RREB1: variants seen among roughly 807,000 people sequenced by gnomAD.
RREB1 encodes ras responsive element binding protein 1, also known as ras-responsive element-binding protein 1.
Under a neutral mutation model 117.8 loss-of-function variants are expected in RREB1, and 27 were observed. The ratio of observed to expected loss-of-function variants is 0.23; its 90% CI spans 0.17 to 0.32. The LOEUF is 0.32. RREB1 is among the 10% of genes least tolerant of loss of function. The pLI, the probability that RREB1 is intolerant of heterozygous loss-of-function variation, is 1.00. For synonymous variants in RREB1, 1,298 were observed against 1,026.7 expected (o/e 1.26, Z -5.05); for missense variants, 2,577 against 2,378.2 (o/e 1.08, Z -1.74).
intron 9 of RREB1, among the ~76,000 whole-genome samples, chr6:7,228,302 TCA>T (rs1767704360): frequency 6.6e-6 from 1 of 151,958 alleles, no homozygotes; most frequent in Admixed American, 6.6e-5. Context: ...TCTCTGGACC[TCA>T]GTTTTGCAAG....
intron 8 of RREB1, 112 bp downstream of exon 8, chr6:7,211,821 A>G: frequency 8.8e-7 from 1 of 1,137,784 alleles, no homozygotes; most frequent in South Asian, 1.5e-5. Context: ...CTTGGGCACA[A>G]CAACATTAGG....
In RREB1 at chr6:7,249,082, AGAGAG is replaced by A. The variant is rs1581604221; in HGVS notation, c.*115_*119del. Reference sequence around the variant, plus strand: ...AGGAGTGAGAGAGAGAGAGAGAGAGAGAGAGAGAGAGAGAGAGAGAGACAAGCAGG... The same window carrying A: ...AGGAGTGAGAGAGAGAGAGAGAGAGAAGAGAGAGAGAGAGAGACAAGCAGG... On this transcript the variant is annotated 3_prime_UTR_variant, in exon 13 of 13. Coordinates refer to ENST00000379938, the MANE Select transcript of RREB1 (RefSeq NM_001003699.4). 10 of 766,774 alleles carry A rather than the reference AGAGAG, an allele frequency of 1.3e-5. No individual in the cohort carries two copies. In the East Asian group the frequency reaches 2.7e-4, roughly 21 times the overall value. The allele number at this position is 766,774 out of a possible 1,614,324, so 47.5% of individuals were successfully genotyped here. A position where few individuals can be genotyped will look rare whatever the true frequency, so the allele number is the denominator to read the frequency against.
intron 1 of RREB1, among the ~76,000 whole-genome samples, chr6:7,156,790 C>T (rs182167881): frequency 8.8e-4 from 134 of 152,326 alleles, no homozygotes; most frequent in African/African-American, 3.1e-3. Flanking sequence ...TTCCTTCCTT[C>T]TCCTTAGCCA....
intron 1 of RREB1, among the ~76,000 whole-genome samples, chr6:7,109,449 C>T (rs1761027421): frequency 1.3e-5 from 2 of 151,860 alleles, no homozygotes; most frequent in Non-Finnish European, 2.9e-5. Context: ...GTGACCTGCT[C>T]CGCGGCCGCG....
Position 7,247,154 on chromosome 6 carries a change from C to T in RREB1, c.4704C>T (p.Val1568=), listed in dbSNP as rs1234592203. The T allele has an allele frequency of 6.2e-7, 1 of 1,613,828 alleles. No homozygotes were observed. Among genetic ancestry groups the T allele is most frequent in the African/African-American group, 1.3e-5 (1 of 74,924 alleles). ...VASKADKRKK[V]CSVCNKRFWS... is the part of the protein sequence containing the mutation. ...GCAAGGCAGACAAGAGGAAGAAGGT[C>T]TGCAGCGTGTGCAACAAGCGGTTCT... The change falls in exon 12 of 13, where the codon GTC becomes GTT. Residue 1568 remains valine (V), a synonymous_variant. Transcript: ENST00000379938.
intron 1 of RREB1, among the ~76,000 whole-genome samples, chr6:7,164,956 A>G (rs537898822): frequency 3.3e-5 from 5 of 152,368 alleles, no homozygotes; most frequent in South Asian, 2.1e-4. Context: ...AACTTGAGCT[A>G]CTGTAACTAA....
intron 1 of RREB1, among the ~76,000 whole-genome samples, chr6:7,176,205 C>T (rs1764492342): frequency 6.6e-6 from 1 of 152,248 alleles, no homozygotes; most frequent in African/African-American, 2.4e-5. Flanking sequence ...GCATGAGCCA[C>T]TGCTAGTTGT....
At chr6:7,173,222 A>G (rs1233297536) in intron 1 of RREB1, among the ~76,000 whole-genome samples, 2 of 152,020 alleles carry the variant, frequency 1.3e-5, no homozygotes, top group East Asian at 1.9e-4. Flanking sequence ...AACTTATTCC[A>G]CATTTCCTGG....
At chr6:7,191,201 CAT>C (rs1320927281) in intron 6 of RREB1, among the ~76,000 whole-genome samples, 8 of 152,050 alleles carry the variant, frequency 5.3e-5, no homozygotes, top group Admixed American at 4.6e-4. Context: ...TACGTGAACA[CAT>C]GTCTGTATTC....
At chr6:7,197,721 C>T (rs555850544) in intron 6 of RREB1, among the ~76,000 whole-genome samples, 2 of 152,282 alleles carry the variant, frequency 1.3e-5, no homozygotes, top group South Asian at 2.1e-4. Flanking sequence ...CTAGTTGTTT[C>T]GTTGCAGGCT....
intron 10 of RREB1, among the ~76,000 whole-genome samples, chr6:7,232,782 A>G (rs1462809712): frequency 1.0e-5 from 1 of 100,326 alleles, no homozygotes; most frequent in African/African-American, 4.6e-5. Context: ...TTTTTTTTTT[A>G]AATAAAAGAG....
intron 1 of RREB1, among the ~76,000 whole-genome samples, chr6:7,169,837 C>G (rs2113491804): frequency 6.6e-6 from 1 of 152,238 alleles, no homozygotes; most frequent in Non-Finnish European, 1.5e-5. Context: ...CTGGCATTGT[C>G]CAGAAAATCT....
At chr6:7,241,000 G>A (rs1011851471) in intron 11 of RREB1, among the ~76,000 whole-genome samples, 2 of 152,142 alleles carry the variant, frequency 1.3e-5, no homozygotes, top group Non-Finnish European at 2.9e-5. Flanking sequence ...AGCCTTAGCC[G>A]CTGCAGCCTC....
At position 7,229,646 on chromosome 6, in the gene RREB1, G is replaced by A. The variant is rs751013989; in HGVS notation, c.1547G>A (p.Arg516Gln). The A allele has an allele frequency of 7.4e-6, 12 of 1,612,472 alleles. No individual in the cohort carries two copies. The highest frequency in any genetic ancestry group is 1.0e-5 in the Non-Finnish European group (12 of 1,179,604). ...AAGCCAAAGCCCCTGGTCACACCACGGACGGTGGTGGCCACCTCCACGCCC... is the reference window on the plus strand; with the variant it reads ...AAGCCAAAGCCCCTGGTCACACCACAGACGGTGGTGGCCACCTCCACGCCC... ...PLKPKPLVTPRTVVATSTPPP... is the reference protein window; with the variant it reads ...PLKPKPLVTPQTVVATSTPPP... Residue 516 changes from arginine to glutamine, a missense_variant, in exon 10 of 13, where the codon CGG becomes CAG. Coordinates refer to ENST00000379938, the MANE Select transcript of RREB1 (RefSeq NM_001003699.4). This position sits in a 1 kb window ranked among gnomAD's most constrained non-coding sequence, Gnocchi z 4.5.
rs1769388198 is a variant in RREB1 at position 7,251,092 on chromosome 6, G to T, written c.*2124G>T. The T allele has an allele frequency of 6.6e-6, 1 of 152,138 alleles. No homozygotes were observed. Among genetic ancestry groups the T allele is most frequent in the Admixed American group, 6.5e-5 (1 of 15,268 alleles). The allele number at this position is 152,138 out of a possible 1,614,324, so 9.4% of individuals were successfully genotyped here. The stretch of plus-strand genomic sequence containing the variant: ...ACTTGCAATATTGTGGGGAGAAGCT[G>T]TGACTAAACTCTACGCTGCGGTGAG... On this transcript the variant is annotated 3_prime_UTR_variant, in exon 13 of 13. Coordinates refer to ENST00000379938, the MANE Select transcript of RREB1 (RefSeq NM_001003699.4).
intron 5 of RREB1, among the ~76,000 whole-genome samples, chr6:7,188,220 C>T (rs1765189899): frequency 2.8e-5 from 3 of 107,560 alleles, no homozygotes; most frequent in Admixed American, 2.1e-4. Flanking sequence ...ATCGCTCCCC[C>T]CCACACGTGT....
At chr6:7,172,382 C>T (rs1440318727) in intron 1 of RREB1, among the ~76,000 whole-genome samples, 1 of 151,844 alleles carries the variant, frequency 6.6e-6, no homozygotes, top group East Asian at 1.9e-4. Context: ...TGAATGTGGC[C>T]TGTACCAAGG....
chr6:7,181,329 C>G, intron 3 of RREB1, 83 bp downstream of exon 3: 1 of 400,346 alleles, frequency 2.5e-6, no homozygotes, highest in Non-Finnish European at 4.4e-6. Context: ...AAGAAACAGG[C>G]TTTGATATGT....
chr6:7,209,455 T>G (rs527776304), intron 6 of RREB1, among the ~76,000 whole-genome samples: 1 of 152,338 alleles, frequency 6.6e-6, no homozygotes, highest in African/African-American at 2.4e-5. Flanking sequence ...ATAATCACTT[T>G]GGAATAGAGG....
Sources: allele counts gnomAD v4.1 joint callset (sites outside exome capture counted in the v4.1 genomes callset), GRCh38; gene constraint gnomAD v4.1.1; non-coding constraint Gnocchi (gnomAD v3.1); transcripts MANE v1.5; gene names NCBI Gene and HGNC (gene_info 2026-07-23, HGNC 2026-07-21).